MPRIP: variants seen among roughly 807,000 people sequenced by gnomAD.
MPRIP encodes the protein myosin phosphatase Rho-interacting protein.
Under a neutral mutation model 234.9 loss-of-function variants are expected in MPRIP, and 59 were observed. The observed-to-expected ratio is 0.25, with a 90% confidence interval of 0.20 to 0.31. The LOEUF is 0.31. Ranked by LOEUF, MPRIP falls within the 10% of genes least tolerant of loss-of-function variation. The probability of loss-of-function intolerance (pLI) is 1.00; values close to 1 mark genes in which losing one functional copy is unlikely to be tolerated. For synonymous variants in MPRIP, 1,144 were observed against 1,263.9 expected (o/e 0.91, Z 2.01); for missense variants, 2,436 against 3,071.0 (o/e 0.79, Z 4.89).
Position 17,185,311 on chromosome 17 carries a change from G to C in MPRIP, c.*417G>C. 5 of 354,898 alleles carry C rather than the reference G, an allele frequency of 1.4e-5. No individual in the cohort carries two copies. The highest frequency in any genetic ancestry group is 1.1e-4 in the South Asian group (5 of 46,996). The allele number at this position is 354,898 out of a possible 1,614,324, so 22.0% of individuals were successfully genotyped here. On this transcript the variant is annotated 3_prime_UTR_variant, in exon 24 of 24. Coordinates refer to ENST00000651222, the MANE Select transcript of MPRIP (RefSeq NM_001364716.4). ...AGGTAGATGGAATCCCCACTGGTCA[G>C]AGAAAAAGCTATGCGGACACTCCAG...
intron 1 of MPRIP, among the ~76,000 whole-genome samples, chr17:17,053,764 A>G (rs569701634): frequency 1.6e-4 from 25 of 152,354 alleles, no homozygotes; most frequent in South Asian, 2.1e-4. Context: ...GCTCAGGCCC[A>G]TGCCCATTAA....
intron 3 of MPRIP, among the ~76,000 whole-genome samples, chr17:17,125,452 C>G (rs1214499816): frequency 6.6e-6 from 1 of 152,228 alleles, no homozygotes; most frequent in East Asian, 1.9e-4. Context: ...TAGGCAAGGG[C>G]TCTGCAAAGC....
intron 3 of MPRIP, among the ~76,000 whole-genome samples, chr17:17,117,292 T>C (rs146427651): frequency 2.6e-5 from 4 of 152,360 alleles, no homozygotes; most frequent in African/African-American, 9.6e-5. Context: ...CAGTATCGTT[T>C]GTAGTCTTGT....
chr17:17,048,869 A>G (rs770544353), intron 1 of MPRIP, among the ~76,000 whole-genome samples: 2 of 152,362 alleles, frequency 1.3e-5, no homozygotes, highest in East Asian at 1.9e-4. Flanking sequence ...GTATTCAAAC[A>G]GATACTTGTA....
chr17:17,153,754 A>G (rs1369569160), intron 12 of MPRIP, among the ~76,000 whole-genome samples: 1 of 152,078 alleles, frequency 6.6e-6, no homozygotes, highest in South Asian at 2.1e-4. Flanking sequence ...GGACAGCTGC[A>G]GTAACCACCC....
chr17:17,123,703 C>CAAAAA (rs371753802), intron 3 of MPRIP, among the ~76,000 whole-genome samples: 27 of 58,678 alleles, frequency 4.6e-4, no homozygotes, highest in African/African-American at 1.1e-3. Context: ...GACTTCGTCT[C>CAAAAA]AAAAAAAAAA....
At chr17:17,134,060 G>A (rs1328340102) in intron 5 of MPRIP, among the ~76,000 whole-genome samples, 2 of 152,208 alleles carry the variant, frequency 1.3e-5, no homozygotes, top group African/African-American at 4.8e-5. Flanking sequence ...TTTCTTCTGA[G>A]TTCAGTGTGA....
intron 3 of MPRIP, among the ~76,000 whole-genome samples, chr17:17,107,030 A>G (rs532412406): frequency 6.6e-6 from 1 of 152,348 alleles, no homozygotes; most frequent in African/African-American, 2.4e-5. Flanking sequence ...AAAATAAGCC[A>G]AAGAGGAACT....
chr17:17,073,873 G>A (rs1435956424), intron 1 of MPRIP, among the ~76,000 whole-genome samples: 1 of 152,170 alleles, frequency 6.6e-6, no homozygotes, highest in African/African-American at 2.4e-5. Flanking sequence ...GACTATGTCT[G>A]CAGCCAACAC....
intron 1 of MPRIP, among the ~76,000 whole-genome samples, chr17:17,074,145 G>A (rs2144030045): frequency 6.6e-6 from 1 of 152,366 alleles, no homozygotes; most frequent in Admixed American, 6.5e-5. Context: ...CTAGTTTGGA[G>A]AGCACTGAAT....
At chr17:17,092,901 G>A (rs1383979034) in intron 3 of MPRIP, among the ~76,000 whole-genome samples, 1 of 152,204 alleles carries the variant, frequency 6.6e-6, no homozygotes, top group African/African-American at 2.4e-5. Context: ...GTCAGTTGTC[G>A]ATGGAAAGGA....
intron 14 of MPRIP, among the ~76,000 whole-genome samples, chr17:17,160,512 C>T (rs567705433): frequency 2.6e-5 from 4 of 152,322 alleles, no homozygotes; most frequent in African/African-American, 9.6e-5. Context: ...CTGCACATGG[C>T]CAGGCATCAG....
chr17:17,170,781 G>A (rs1031500448), intron 16 of MPRIP: 4 of 152,118 alleles, frequency 2.6e-5, no homozygotes, highest in African/African-American at 4.8e-5. Flanking sequence ...GTGTGCCTCC[G>A]TGCTCAAAAT....
intron 3 of MPRIP, among the ~76,000 whole-genome samples, chr17:17,094,704 A>G (rs952893423): frequency 9.3e-5 from 14 of 150,378 alleles, no homozygotes; most frequent in Admixed American, 7.3e-4. Context: ...TCCGCCTCCC[A>G]GGTTCAAATG....
intron 6 of MPRIP, among the ~76,000 whole-genome samples, chr17:17,136,750 G>A (rs979736263): frequency 6.6e-6 from 1 of 152,210 alleles, no homozygotes; most frequent in Non-Finnish European, 1.5e-5. Context: ...CAGGGTCTGT[G>A]GATGGGAAGG....
At chr17:17,160,452 C>T (rs2045838307) in intron 14 of MPRIP, among the ~76,000 whole-genome samples, 1 of 152,212 alleles carries the variant, frequency 6.6e-6, no homozygotes, top group Admixed American at 6.5e-5. Flanking sequence ...GACTGTCCAC[C>T]ACACACACAG....
intron 12 of MPRIP, 113 bp from the exon 13 acceptor site, chr17:17,154,193 C>T: frequency 1.2e-6 from 1 of 861,038 alleles, no homozygotes; most frequent in South Asian, 1.6e-5. Flanking sequence ...GTCACCCAGT[C>T]ACAGCCTTTC....
At position 17,142,738 on chromosome 17, in the gene MPRIP, C is replaced by T. The variant is rs374858004; in HGVS notation, c.1362C>T (p.Ser454=). 689 of 1,612,550 alleles carry T rather than the reference C, an allele frequency of 4.3e-4. 1 individual carries two copies. The highest frequency in any genetic ancestry group is 5.4e-4 in the Non-Finnish European group (638 of 1,179,912). The change falls in exon 8 of 24, where the codon AGC becomes AGT. Residue 454 remains serine, a synonymous_variant. Coordinates refer to ENST00000651222, the MANE Select transcript of MPRIP (RefSeq NM_001364716.4). ...SPSSDTRQGR[S]EKRAFPRKRD... ...CCAGCGACACACGCCAGGGCCGCAG[C>T]GAGAAGAGGGCGTTCCCTAGGAAGC...
intron 6 of MPRIP, 114 bp from the exon 7 acceptor site, chr17:17,137,802 G>A (rs372187725): frequency 1.3e-5 from 11 of 817,748 alleles, no homozygotes; most frequent in Admixed American, 3.0e-5. Context: ...TGTTAGAGAC[G>A]GGAGGTGGAG....
Sources: allele counts gnomAD v4.1 joint callset (sites outside exome capture counted in the v4.1 genomes callset), GRCh38; gene constraint gnomAD v4.1.1; transcripts MANE v1.5; gene names NCBI Gene and HGNC (gene_info 2026-07-23, HGNC 2026-07-21).